The following WDFY4 variants were observed in gnomAD, a reference collection of about 807,000 sequenced individuals.
WDFY4 encodes the protein WD repeat- and FYVE domain-containing protein 4.
WDFY4 carries 169 observed loss-of-function variants against 351.9 expected under a neutral mutation model. The ratio of observed to expected loss-of-function variants is 0.48; its 90% CI spans 0.42 to 0.55. WDFY4 has a LOEUF of 0.55. Ranked by LOEUF, WDFY4 falls within the 20% of genes least tolerant of loss-of-function variation. The pLI, the probability that WDFY4 is intolerant of heterozygous loss-of-function variation, is 0.00. For synonymous variants in WDFY4, 1,622 were observed against 1,574.6 expected (o/e 1.03, Z -0.71); for missense variants, 3,803 against 3,935.6 (o/e 0.97, Z 0.90).
At chr10:48,887,815 G>T (rs2070529486) in intron 43 of WDFY4, among the ~76,000 whole-genome samples, 1 of 151,248 alleles carries the variant, frequency 6.6e-6, no homozygotes, top group Non-Finnish European at 1.5e-5. Context: ...AGATTTACTT[G>T]TGTATTCAAA....
chr10:48,943,562 G>C lies in WDFY4; in HGVS notation c.7749+113G>C, dbSNP rs1840893413. The stretch of plus-strand genomic sequence containing the variant: ...TAGGAGGTTCCGTCACATGAACCTG[G>C]GTACCTGGGCCTAAAGGCTGCTGAA... On this transcript the variant is annotated intron_variant, in intron 49 of 61. Transcript: ENST00000325239. 6 of 1,165,834 alleles carry C rather than the reference G, an allele frequency of 5.1e-6. No homozygotes were observed. The Admixed American group carries it at 1.5e-4, about 30-fold the overall frequency. 72.2% of individuals were successfully genotyped at this position (1,165,834 alleles called of 1,614,324 possible).
chr10:48,859,322 A>T (rs1380816999), intron 39 of WDFY4, among the ~76,000 whole-genome samples: 1 of 149,022 alleles, frequency 6.7e-6, no homozygotes, highest in East Asian at 1.9e-4. Context: ...AGTATTCATT[A>T]TTTATCACTA....
chr10:48,809,613 C>G (rs2067382259), intron 28 of WDFY4, among the ~76,000 whole-genome samples: 1 of 151,948 alleles, frequency 6.6e-6, no homozygotes, highest in Admixed American at 6.6e-5. Context: ...GTCACCACCA[C>G]CACCATCATC....
chr10:48,817,719 C>G (rs2067671245), intron 32 of WDFY4, among the ~76,000 whole-genome samples: 1 of 152,216 alleles, frequency 6.6e-6, no homozygotes, highest in Admixed American at 6.5e-5. Flanking sequence ...ACAGTGACTC[C>G]CATTCCAGGA....
At chr10:48,716,532 C>T (rs918673129) in intron 2 of WDFY4, among the ~76,000 whole-genome samples, 3 of 152,120 alleles carry the variant, frequency 2.0e-5, no homozygotes, top group Admixed American at 6.6e-5. Flanking sequence ...CTTTGGGGTC[C>T]CCATGGTACC....
Position 48,725,915 on chromosome 10 carries a change from TGGA to T in WDFY4, c.629_631del (p.Glu210del). 4 of 1,550,786 alleles carry T rather than the reference TGGA, an allele frequency of 2.6e-6. No individual in the cohort carries two copies. The highest frequency in any genetic ancestry group is 3.5e-6 in the Non-Finnish European group (4 of 1,146,228). On this transcript the variant is annotated inframe_deletion, in exon 6 of 62. Coordinates refer to ENST00000325239, the MANE Select transcript of WDFY4 (RefSeq NM_001394531.1). ...AATATTTGCAGTGACTCTCAGGGCC[TGGA>T]GGGACTCCTCTCAGGAAGTGAGCTG...
At chr10:48,933,722 T>A (rs574647618) in intron 47 of WDFY4, among the ~76,000 whole-genome samples, 17 of 152,286 alleles carry the variant, frequency 1.1e-4, no homozygotes, top group African/African-American at 3.6e-4. Context: ...TGAATTGCAT[T>A]GGCAATGGGC....
At chr10:48,948,538 G>T (rs1841168656) in intron 51 of WDFY4, among the ~76,000 whole-genome samples, 1 of 152,178 alleles carries the variant, frequency 6.6e-6, no homozygotes, top group Admixed American at 6.5e-5. Context: ...CTGTTGCTAA[G>T]GATCTTTTCA....
At position 48,943,431 on chromosome 10, in the gene WDFY4, C is replaced by A; in HGVS notation, c.7731C>A (p.Leu2577=). 1 of 1,551,862 alleles carries A rather than the reference C, an allele frequency of 6.4e-7. No homozygotes were observed. The highest frequency in any genetic ancestry group is 1.4e-5 in the African/African-American group (1 of 73,150). ...AGTACCCAGTGTTCCCCTGGGTCCT[C>A]GCAGACTACACCTCAGAGGTAAGTT... ...YMQYPVFPWV[L]ADYTSETLNL... The change falls in exon 49 of 62, where the codon CTC becomes CTA. Residue 2577 remains leucine, a synonymous_variant. Transcript: ENST00000325239.
In WDFY4 at chr10:48,806,062, T is replaced by C. The variant is rs2132875388; in HGVS notation, c.4705T>C (p.Cys1569Arg). 1 of 1,551,714 alleles carries C rather than the reference T, an allele frequency of 6.4e-7. No homozygotes were observed. The highest frequency in any genetic ancestry group is 8.7e-7 in the Non-Finnish European group (1 of 1,146,992). Residue 1569 changes from cysteine (C) to arginine (R), a missense_variant, in exon 27 of 62, where the codon TGC becomes CGC. Cys to Arg is a radical substitution (Grantham distance 180). Around this residue, in one of 3 missense-constraint regions of WDFY4, gnomAD observed 3,054 missense variants for 3,148.6 expected, o/e 0.97. Transcript: ENST00000325239. ...TTCGTCGGTGAATGAGAGGCAGATCTGCATGGACGGAGCCCTGGACCCTTC... is the reference window on the plus strand; with the variant it reads ...TTCGTCGGTGAATGAGAGGCAGATCCGCATGGACGGAGCCCTGGACCCTTC... Reference protein sequence around the residue: ...KPSSVNERQICMDGALDPSLP... With the variant: ...KPSSVNERQIRMDGALDPSLP...
In WDFY4 at chr10:48,734,022, G is replaced by T. The variant is rs774880731; in HGVS notation, c.1674G>T (p.Ser558=). The change falls in exon 10 of 62, where the codon TCG becomes TCT. Residue 558 remains serine (S), a synonymous_variant. Coordinates refer to ENST00000325239, the MANE Select transcript of WDFY4 (RefSeq NM_001394531.1). ...LRIVVTLLKG[S]VRNAVVLKDH... is the part of the protein sequence containing the mutation. ...TTGTAGTCACACTTCTGAAAGGCTC[G>T]GTGAGGAATGCAGGTAAGGATGGTG... The T allele has an allele frequency of 6.4e-7, 1 of 1,552,040 alleles. No homozygotes were observed. Among genetic ancestry groups the T allele is most frequent in the Non-Finnish European group, 8.7e-7 (1 of 1,147,070 alleles).
chr10:48,900,552 G>A lies in WDFY4; in HGVS notation c.7523+246G>A, dbSNP rs568536413. ...GGCTCCATTTTCCTGAACTGAAGTGGCATAGAACAGGAAGTGAGAAAAAAA... is the reference window on the plus strand; with the variant it reads ...GGCTCCATTTTCCTGAACTGAAGTGACATAGAACAGGAAGTGAGAAAAAAA... On this transcript the variant is annotated intron_variant, in intron 46 of 61. Transcript: ENST00000325239. Among the ~76,000 whole-genome samples the A allele has an allele frequency of 2.0e-5, 3 of 152,334 alleles. 1 individual carries two copies. In the East Asian group the frequency reaches 5.8e-4, roughly 29 times the overall value.
chr10:48,839,701 A>G (rs772288128), intron 39 of WDFY4, among the ~76,000 whole-genome samples: 70 of 152,384 alleles, frequency 4.6e-4, no homozygotes, highest in Non-Finnish European at 5.9e-4. Flanking sequence ...TTTCTAAGAA[A>G]TCACAATGCT....
intron 47 of WDFY4, among the ~76,000 whole-genome samples, chr10:48,940,499 G>C (rs541952916): frequency 2.0e-5 from 3 of 152,336 alleles, no homozygotes; most frequent in East Asian, 1.9e-4. Context: ...AAGCAGCACT[G>C]TCCCCCTGGG....
intron 12 of WDFY4, among the ~76,000 whole-genome samples, chr10:48,754,988 G>T (rs1462840538): frequency 2.0e-5 from 3 of 152,092 alleles, no homozygotes; most frequent in Admixed American, 1.3e-4. Flanking sequence ...AGTTCTATGG[G>T]TTTTAATTCA....
At chr10:48,923,665 C>T (rs1013250360) in intron 47 of WDFY4, among the ~76,000 whole-genome samples, 3 of 151,770 alleles carry the variant, frequency 2.0e-5, no homozygotes, top group Non-Finnish European at 4.4e-5. Context: ...TATTGAGTGC[C>T]TACCATTTAT....
intron 39 of WDFY4, among the ~76,000 whole-genome samples, chr10:48,839,411 G>A (rs1022680865): frequency 1.3e-5 from 2 of 152,222 alleles, no homozygotes; most frequent in Non-Finnish European, 2.9e-5. Flanking sequence ...TCGTGGGAAA[G>A]AGAGAAGGGT....
At chr10:48,742,038 G>C (rs2064866989) in intron 11 of WDFY4, among the ~76,000 whole-genome samples, 6 of 151,882 alleles carry the variant, frequency 4.0e-5, no homozygotes, top group Admixed American at 3.9e-4. Flanking sequence ...CTTAAATGTA[G>C]CCCCCCCTCC....
At chr10:48,761,212 C>T (rs1031320914) in intron 13 of WDFY4, among the ~76,000 whole-genome samples, 2 of 152,124 alleles carry the variant, frequency 1.3e-5, no homozygotes, top group African/African-American at 4.8e-5. Context: ...GGGCCAGGAG[C>T]AAGGGCTCCC....
Sources: gnomAD v4.1 joint callset for allele counts (sites outside exome capture counted in the v4.1 genomes callset) on GRCh38, gnomAD v4.1.1 for gene constraint, gnomAD v4.1.1 regional missense constraint, MANE v1.5 for transcripts, NCBI Gene and HGNC (gene_info 2026-07-23, HGNC 2026-07-21) for gene names.